Variants in SYTL4 observed in about 807,000 individuals in gnomAD.
SYTL4 encodes the protein synaptotagmin like 4, also known as synaptotagmin-like protein 4.
In SYTL4, 16 loss-of-function variants were observed where a neutral mutation model predicts 52.7. The ratio of observed to expected loss-of-function variants is 0.30; its 90% confidence interval spans 0.21 to 0.46. The LOEUF (loss-of-function observed/expected upper bound fraction) is 0.46, where lower values mean the gene tolerates loss of function less well. Ranked by LOEUF, SYTL4 falls within the 20% of genes least tolerant of loss-of-function variation. The pLI is 1.00. For missense variants in SYTL4, 423 were observed against 519.9 expected (o/e 0.81, Z 1.81); for synonymous variants, 160 against 186.6 (o/e 0.86, Z 1.16).
chrX:100,713,114 C>T (rs1305298023), intron 2 of SYTL4, among the ~76,000 whole-genome samples: 1 of 112,185 alleles, frequency 8.9e-6, no homozygotes, highest in African/African-American at 3.2e-5. Context: ...CCATATGACC[C>T]AGGCTTTCCA....
At chrX:100,723,918 TG>T (rs779341779) in intron 2 of SYTL4, among the ~76,000 whole-genome samples, 1 of 74,878 alleles carries the variant, frequency 1.3e-5, no homozygotes, top group Non-Finnish European at 2.5e-5. Context: ...GGGAGGGAGG[TG>T]GGGGGTCAGC....
At chrX:100,717,166 G>A (rs1167716416) in intron 2 of SYTL4, among the ~76,000 whole-genome samples, 2 of 111,616 alleles carry the variant, frequency 1.8e-5, no homozygotes, top group Non-Finnish European at 1.9e-5. Context: ...TGTGCTAAGC[G>A]GTACACTAGC....
At position 100,700,923 on chromosome X, in the gene SYTL4, G is replaced by A; in HGVS notation, c.513C>T (p.Ile171=). The part of the protein sequence containing the change: ...QMGDIWPGRK[I]IQERQKEPSV... ...TGGGCTCCTTCTGCCGCTCCTGAAT[G>A]ATCTTTCTTCCTGGCCAGATGTCAC... Residue 171 remains isoleucine, a synonymous_variant, in exon 8 of 20, where the codon ATC becomes ATT. Coordinates refer to ENST00000372989, the MANE Select transcript of SYTL4 (RefSeq NM_001370165.1). 1 of 1,210,242 alleles carries A rather than the reference G, an allele frequency of 8.3e-7. No individual in the cohort carries two copies. Among genetic ancestry groups the A allele is most frequent in the Non-Finnish European group, 1.1e-6 (1 of 894,460 alleles).
chrX:100,713,604 A>C (rs778656817), intron 2 of SYTL4, among the ~76,000 whole-genome samples: 1 of 71,117 alleles, frequency 1.4e-5, no homozygotes, highest in East Asian at 4.6e-4. Flanking sequence ...CAACAGAGTG[A>C]GACTTTGCCT....
Position 100,676,165 on chromosome X carries a change from C to T in SYTL4, c.1879G>A (p.Gly627Arg). 3.3e-6 allele frequency: 4 copies of T among 1,211,426 alleles called. No individual in the cohort carries two copies. The highest frequency in any genetic ancestry group is 4.5e-6 in the Non-Finnish European group (4 of 895,460). ...RLGVGTGISNGEVVDWMDSTG... is the reference protein window; with the variant it reads ...RLGVGTGISNREVVDWMDSTG... ...GAGTCCATCCAGTCCACCACTTCCC[C>T]ATTACTGATCCCTGAGGAGAAACAC... Residue 627 changes from glycine (G) to arginine (R), a missense_variant, in exon 20 of 20, where the codon GGG becomes AGG. Gly to Arg is a moderately radical substitution (Grantham distance 125). Transcript: ENST00000372989.
At chrX:100,690,712 T>C (rs1432238345) in intron 9 of SYTL4, 74 bp from the exon 10 acceptor site, 5 of 815,301 alleles carry the variant, frequency 6.1e-6, no homozygotes, top group East Asian at 6.9e-5. Context: ...CAAAGCTCTA[T>C]GGAAGGAGAG....
intron 2 of SYTL4, among the ~76,000 whole-genome samples, chrX:100,721,575 G>C (rs147284361): frequency 0.021 from 2,369 of 110,910 alleles, 69 homozygotes; most frequent in African/African-American, 0.074. Context: ...ACACCCAAGA[G>C]CTTATCATCT....
intron 2 of SYTL4, among the ~76,000 whole-genome samples, chrX:100,716,546 T>TA (rs751442914): frequency 0.036 from 1,558 of 43,262 alleles, 72 homozygotes; most frequent in African/African-American, 0.1. Flanking sequence ...CTGCAAAACT[T>TA]AAAAAAAAAA....
chrX:100,703,229 C>G (rs1024814753), intron 3 of SYTL4, 44 bp from the exon 4 acceptor site: 1 of 110,376 alleles, frequency 9.1e-6, no homozygotes. Context: ...TGATGGTACA[C>G]GGCTGCATTC....
intron 2 of SYTL4, among the ~76,000 whole-genome samples, chrX:100,723,778 G>C (rs1217184822): frequency 3.7e-4 from 38 of 104,034 alleles, no homozygotes; most frequent in Non-Finnish European, 6.5e-4. Flanking sequence ...CAGCCGCACC[G>C]TCTGAGAAGT....
At chrX:100,724,225 C>T (rs1361037075) in intron 2 of SYTL4, among the ~76,000 whole-genome samples, 6 of 104,434 alleles carry the variant, frequency 5.7e-5, no homozygotes, top group Non-Finnish European at 9.9e-5. Flanking sequence ...CCCGGCCAGC[C>T]GCCCCGTCCA....
At chrX:100,728,019 A>G (rs956195966) in intron 2 of SYTL4, among the ~76,000 whole-genome samples, 11 of 111,709 alleles carry the variant, frequency 9.8e-5, no homozygotes, top group African/African-American at 3.6e-4. Context: ...ACAAACATAA[A>G]TTTGGGAGTG....
rs1394972684 is a variant in SYTL4 at position 100,675,910 on chromosome X, A to ACACACACT, written c.*117_*118insAGTGTGTG. 1.5e-6 allele frequency: 1 copy of ACACACACT among 672,128 alleles called. No homozygotes were observed. Among genetic ancestry groups the ACACACACT allele is most frequent in the East Asian group, 3.6e-5 (1 of 27,704 alleles). The allele number at this position is 672,128 out of a possible 1,213,427, so 55.4% of individuals were successfully genotyped here. On this transcript the variant is annotated 3_prime_UTR_variant, in exon 20 of 20. Transcript: ENST00000372989. ...TTTGTACACATACACACACACACAC[A>ACACACACT]CACACACACATACACACATACACAC...
At chrX:100,678,326 A>C in intron 19 of SYTL4, 65 bp downstream of exon 19, 2 of 820,921 alleles carry the variant, frequency 2.4e-6, no homozygotes, top group Non-Finnish European at 3.6e-6. Flanking sequence ...GGGGGCGGGA[A>C]TGGTAATAGG....
chrX:100,713,624 G>GAAA (rs58842955), intron 2 of SYTL4, among the ~76,000 whole-genome samples: 4 of 101,723 alleles, frequency 3.9e-5, no homozygotes, highest in African/African-American at 1.4e-4. Flanking sequence ...TCAAAAGGGG[G>GAAA]AAAAAAAAAA....
intron 17 of SYTL4, among the ~76,000 whole-genome samples, chrX:100,680,303 T>C (rs1356140549): frequency 9.0e-6 from 1 of 111,609 alleles, no homozygotes; most frequent in Non-Finnish European, 1.9e-5. Context: ...CTGATCTCTC[T>C]GGTTCTATAC....
At chrX:100,685,739 C>T (rs964982194) in intron 16 of SYTL4, 1 of 292,413 alleles carries the variant, frequency 3.4e-6, no homozygotes, top group Admixed American at 5.6e-5. Flanking sequence ...GGTTAGGAGA[C>T]AAAGTTTGGT....
At chrX:100,723,742 G>A (rs1439691547) in intron 2 of SYTL4, among the ~76,000 whole-genome samples, 1 of 108,601 alleles carries the variant, frequency 9.2e-6, no homozygotes, top group Non-Finnish European at 1.9e-5. Flanking sequence ...CGCCCCGTCT[G>A]AGAAGTGAGG....
chrX:100,730,470 G>A (rs1056039633), intron 2 of SYTL4, among the ~76,000 whole-genome samples: 1 of 111,112 alleles, frequency 9.0e-6, no homozygotes, highest in African/African-American at 3.3e-5. Flanking sequence ...TGAGGGCAAG[G>A]CACTTAACTT....
Sources: allele counts gnomAD v4.1 joint callset (sites outside exome capture counted in the v4.1 genomes callset), GRCh38; gene constraint gnomAD v4.1.1; transcripts MANE v1.5; gene names NCBI Gene and HGNC (gene_info 2026-07-23, HGNC 2026-07-21).